TFDP1: variants seen among roughly 807,000 people sequenced by gnomAD.
The protein encoded by TFDP1 is transcription factor Dp-1, also known as DRTF1-polypeptide 1.
In TFDP1, 6 loss-of-function variants were observed where a neutral mutation model predicts 48.0. The ratio of observed to expected loss-of-function variants is 0.13; its 90% CI spans 0.07 to 0.25. TFDP1 has a LOEUF of 0.25. Among genes scored for constraint, TFDP1 ranks in the 10% least tolerant of loss-of-function variants. TFDP1 has a pLI of 1.00. For synonymous variants in TFDP1, 201 were observed against 211.6 expected (o/e 0.95, Z 0.44); for missense variants, 335 against 543.0 (o/e 0.62, Z 3.81).
Position 113,627,143 on chromosome 13 carries a change from T to C in TFDP1, c.186+3857T>C, listed in dbSNP as rs2049200433. On this transcript the variant is annotated intron_variant, in intron 4 of 11. Transcript: ENST00000375370. This position sits in a 1 kb window ranked among gnomAD's most constrained non-coding sequence, Gnocchi z 4.1. ...GTTTACAAAAAACTGGACTGGCTCA[T>C]TCTGACACGAGGGGTGGGGCTCAGT... Among the ~76,000 whole-genome samples, 1 of 152,194 alleles carries C rather than the reference T, an allele frequency of 6.6e-6. No individual in the cohort carries two copies. The highest frequency in any genetic ancestry group is 2.1e-4 in the South Asian group (1 of 4,834).
rs549345645 is a variant in TFDP1, at chr13:113,607,572, A to G, written c.13-3424A>G. 6.6e-6 allele frequency among the ~76,000 whole-genome samples: 1 copy of G among 152,286 alleles called. No individual in the cohort carries two copies. Among genetic ancestry groups the G allele is most frequent in the Admixed American group, 6.5e-5 (1 of 15,300 alleles). The stretch of plus-strand genomic sequence containing the variant: ...TTGCTGCCGTCACTGTGTGCTGCGC[A>G]TGCCCTGCAGTTACCCCAGAGCTTT... On this transcript the variant is annotated intron_variant, in intron 2 of 11. Coordinates refer to ENST00000375370, the MANE Select transcript of TFDP1 (RefSeq NM_007111.5). The surrounding 1 kb of genome is among the most constrained non-coding windows in gnomAD (Gnocchi z 5.2).
intron 2 of TFDP1, among the ~76,000 whole-genome samples, chr13:113,600,670 C>A (rs944236189): frequency 1.1e-4 from 16 of 140,716 alleles, no homozygotes; most frequent in Non-Finnish European, 1.7e-4. Flanking sequence ...GCTCCAGGAC[C>A]GTGATAGAGA....
At chr13:113,601,417 G>A (rs930546746) in intron 2 of TFDP1, among the ~76,000 whole-genome samples, 11 of 99,212 alleles carry the variant, frequency 1.1e-4, no homozygotes, top group African/African-American at 4.7e-4. Context: ...GGGCCCCTGC[G>A]TAGGGCAGCT....
At chr13:113,590,911 G>A in intron 2 of TFDP1, among the ~76,000 whole-genome samples, 1 of 145,432 alleles carries the variant, frequency 6.9e-6, no homozygotes, top group East Asian at 2.0e-4. Context: ...TGGGGAGGCT[G>A]AGTTAGGAGA....
At chr13:113,595,948 G>A (rs1290364071) in intron 2 of TFDP1, among the ~76,000 whole-genome samples, 1 of 152,226 alleles carries the variant, frequency 6.6e-6, no homozygotes, top group Non-Finnish European at 1.5e-5. Flanking sequence ...TGGGCGTGGT[G>A]GCGGGCACCT....
intron 2 of TFDP1, among the ~76,000 whole-genome samples, chr13:113,601,543 G>T (rs778714189): frequency 2.0e-5 from 3 of 152,226 alleles, no homozygotes; most frequent in African/African-American, 4.8e-5. Context: ...CCCACTTGGG[G>T]GCCCCTGCAG....
intron 10 of TFDP1, 69 bp downstream of exon 10, chr13:113,636,769 C>G: frequency 6.5e-7 from 1 of 1,541,792 alleles, no homozygotes; most frequent in Non-Finnish European, 8.8e-7. Context: ...CGGTGCCCTC[C>G]CCTCCCGGCT....
chr13:113,624,217 C>T (rs4075532), intron 4 of TFDP1, among the ~76,000 whole-genome samples: 9,118 of 152,212 alleles, frequency 0.06, 324 homozygotes, highest in Non-Finnish European at 0.071. Flanking sequence ...CACCCTGCTC[C>T]GTCTGTGCTG....
At chr13:113,602,018 G>A (rs978012117) in intron 2 of TFDP1, among the ~76,000 whole-genome samples, 3 of 151,496 alleles carry the variant, frequency 2.0e-5, no homozygotes, top group South Asian at 2.1e-4. Context: ...AGGGAGGAGC[G>A]GACAGAGTTA....
chr13:113,636,675 C>A lies in TFDP1; in HGVS notation c.981C>A (p.Pro327=). The A allele has an allele frequency of 6.2e-7, 1 of 1,609,982 alleles. No homozygotes were observed. Among genetic ancestry groups the A allele is most frequent in the Non-Finnish European group, 8.5e-7 (1 of 1,179,950 alleles). The change falls in exon 10 of 12, where the codon CCC becomes CCA. Residue 327 remains proline, a synonymous_variant. Transcript: ENST00000375370. ...TTAAAATGGCCAGAAGTCTGGTCCC[C>A]AAGGCTCTGGAGCCATACGTGACAG... is the stretch of plus-strand genomic sequence containing the variant. The part of the protein sequence containing the change: ...EDLKMARSLV[P]KALEPYVTEM...
At chr13:113,625,321 T>C (rs1232483688) in intron 4 of TFDP1, among the ~76,000 whole-genome samples, 26 of 67,344 alleles carry the variant, frequency 3.9e-4, no homozygotes, top group African/African-American at 2.5e-3. Context: ...CTCACGTGTT[T>C]CTCAGGCGTC....
At chr13:113,630,155 G>GCACA (rs3076650) in intron 4 of TFDP1, among the ~76,000 whole-genome samples, 5,462 of 149,160 alleles carry the variant, frequency 0.037, 136 homozygotes, top group African/African-American at 0.069. Flanking sequence ...TGCCCCAGCA[G>GCACA]CACACACACA....
At chr13:113,585,252 G>C (rs2047970475) in intron 1 of TFDP1, 1 of 149,888 alleles carries the variant, frequency 6.7e-6, no homozygotes, top group Non-Finnish European at 1.5e-5. Context: ...ACCCGGTTCC[G>C]GCGCGCGCGG....
rs774264544 is a variant in TFDP1 at position 113,640,134 on chromosome 13, G to A, written c.1100G>A (p.Gly367Asp). Residue 367 changes from glycine to aspartate, a missense_variant, in exon 12 of 12, where the codon GGT (glycine) becomes GAT (aspartate). Transcript: ENST00000375370. ...CTGCCTTGCAGTGACCTGACCAACGGTGCAGATGGGATGCTGGCCACAAGC... is the reference window on the plus strand; with the variant it reads ...CTGCCTTGCAGTGACCTGACCAACGATGCAGATGGGATGCTGGCCACAAGC... ...TRFSASDLTNGADGMLATSSN... is the reference protein window; with the variant it reads ...TRFSASDLTNDADGMLATSSN... 1.7e-5 allele frequency: 27 copies of A among 1,610,480 alleles called. 2 individuals carry two copies. The South Asian group carries it at 2.2e-4, about 13-fold the overall frequency.
At chr13:113,614,258 G>A (rs1594472275) in intron 3 of TFDP1, among the ~76,000 whole-genome samples, 1 of 149,360 alleles carries the variant, frequency 6.7e-6, no homozygotes, top group East Asian at 2.0e-4. Context: ...TTCTGATTGT[G>A]CGTGTGTGTG....
intron 11 of TFDP1, among the ~76,000 whole-genome samples, chr13:113,638,915 C>T (rs1444963163): frequency 1.3e-5 from 2 of 152,134 alleles, no homozygotes; most frequent in Non-Finnish European, 2.9e-5. Flanking sequence ...GTCCGGGTAA[C>T]AGGGCTCGAC....
In TFDP1 at chr13:113,624,036, C is replaced by T. The variant is rs118111535; in HGVS notation, c.186+750C>T. Among the ~76,000 whole-genome samples, 1,437 of 152,236 alleles carry T rather than the reference C, an allele frequency of 9.4e-3. 34 individuals are homozygous for T. In the East Asian group the frequency reaches 0.11, roughly 11 times the overall value. Reference sequence around the variant, plus strand: ...ATAGCCATCCCAAGGCTAGGCCGGGCTTCCAGTCCTTCCTCAGGGACTTGT... The same window carrying T: ...ATAGCCATCCCAAGGCTAGGCCGGGTTTCCAGTCCTTCCTCAGGGACTTGT... On this transcript the variant is annotated intron_variant, in intron 4 of 11. Coordinates refer to ENST00000375370, the MANE Select transcript of TFDP1 (RefSeq NM_007111.5).
At chr13:113,600,381 CCCAGGACCGTAAGCGAGAAT>C (rs2048386899) in intron 2 of TFDP1, among the ~76,000 whole-genome samples, 1 of 72,270 alleles carries the variant, frequency 1.4e-5, no homozygotes, top group African/African-American at 9.6e-5. Context: ...CGATAGAGAA[CCCAGGACCGTAAGCGAGAAT>C]CCTTGCACTT....
intron 1 of TFDP1, 101 bp from the exon 2 acceptor site, chr13:113,585,673 G>T: frequency 1.5e-6 from 1 of 673,490 alleles, no homozygotes. Flanking sequence ...CCTTTGGGAA[G>T]GAAGGTCCGC....
Sources: allele counts gnomAD v4.1 joint callset (sites outside exome capture counted in the v4.1 genomes callset), GRCh38; gene constraint gnomAD v4.1.1; non-coding constraint Gnocchi (gnomAD v3.1); transcripts MANE v1.5; gene names NCBI Gene and HGNC (gene_info 2026-07-23, HGNC 2026-07-21).